The following UBXN2B variants were observed in gnomAD, a reference collection of about 807,000 sequenced individuals.
The protein encoded by UBXN2B is UBX domain-containing protein 2B.
A neutral mutation model predicts 37.5 loss-of-function variants in UBXN2B; 19 were observed. That is an observed-to-expected ratio of 0.51 (90% CI 0.35 to 0.74). The LOEUF (loss-of-function observed/expected upper bound fraction) is 0.74. Ranked by LOEUF, UBXN2B falls within the 30% of genes least tolerant of loss-of-function variation. The pLI is 0.01. For synonymous variants in UBXN2B, 145 were observed against 143.8 expected, an observed-to-expected ratio of 1.01 and a Z score of -0.06; for missense variants, 370 against 393.2, an observed-to-expected ratio of 0.94 and a Z score of 0.50.
At position 58,430,536 on chromosome 8, in the gene UBXN2B, A is replaced by G; in HGVS notation, c.206A>G (p.His69Arg). 3 of 1,585,938 alleles carry G rather than the reference A, an allele frequency of 1.9e-6. No individual in the cohort carries two copies. The highest frequency in any genetic ancestry group is 1.2e-5 in the South Asian group (1 of 85,972). The change falls in exon 3 of 8, where the codon CAT becomes CGT. Residue 69 changes from histidine to arginine, a missense_variant. His to Arg is a conservative substitution (Grantham distance 29). Coordinates refer to ENST00000399598, the MANE Select transcript of UBXN2B (RefSeq NM_001077619.2). ...GTTTAAAGGTTTTACTCAAGTGAAC[A>G]TGAATACAGTGGATTAAATATAGTT... The part of the protein sequence containing the change: ...TPPQRFYSSE[H>R]EYSGLNIVRP...
intron 6 of UBXN2B, 89 bp from the exon 7 acceptor site, chr8:58,445,818 A>G (rs1808652573): frequency 3.4e-6 from 4 of 1,191,578 alleles, no homozygotes; most frequent in Non-Finnish European, 4.5e-6. Context: ...AGGAGACTCA[A>G]ATGAAGCCAT....
intron 2 of UBXN2B, chr8:58,425,984 T>G: frequency 6.9e-7 from 1 of 1,450,888 alleles, no homozygotes; most frequent in Non-Finnish European, 9.7e-7. Flanking sequence ...TTTTCCTTTT[T>G]CAGTTAATAA....
chr8:58,445,781 T>G (rs1379454146), intron 6 of UBXN2B, 126 bp from the exon 7 acceptor site: 13 of 768,912 alleles, frequency 1.7e-5, no homozygotes, highest in Non-Finnish European at 2.0e-5. Context: ...ATAACTTTAA[T>G]ATAATGAAAG....
chr8:58,415,242 T>A (rs1360542199), intron 1 of UBXN2B, among the ~76,000 whole-genome samples: 1 of 152,076 alleles, frequency 6.6e-6, no homozygotes, highest in African/African-American at 2.4e-5. Flanking sequence ...AGAGCTGAAA[T>A]GGGCCTTTGA....
intron 3 of UBXN2B, among the ~76,000 whole-genome samples, chr8:58,432,471 C>T (rs995028193): frequency 1.3e-5 from 2 of 149,962 alleles, no homozygotes; most frequent in Non-Finnish European, 3.0e-5. Context: ...CAAGCTCCGC[C>T]TCCCGGGTTC....
intron 2 of UBXN2B, among the ~76,000 whole-genome samples, chr8:58,429,988 A>G (rs905237528): frequency 3.9e-5 from 6 of 152,238 alleles, no homozygotes; most frequent in Non-Finnish European, 7.3e-5. Flanking sequence ...ATTTACTTTT[A>G]ACAAACGCAG....
intron 1 of UBXN2B, among the ~76,000 whole-genome samples, chr8:58,415,039 G>A (rs771360882): frequency 5.3e-5 from 8 of 151,912 alleles, no homozygotes; most frequent in South Asian, 2.1e-4. Flanking sequence ...ATAATTCAAC[G>A]TCAATTTGTT....
intron 3 of UBXN2B, 143 bp from the exon 4 acceptor site, chr8:58,433,017 A>G: frequency 1.8e-6 from 1 of 568,434 alleles, no homozygotes; most frequent in East Asian, 2.8e-5. Context: ...GTCAAGTCTT[A>G]TGGTAATTTT....
chr8:58,446,878 A>T (rs1261996071), intron 7 of UBXN2B, among the ~76,000 whole-genome samples: 2 of 132,844 alleles, frequency 1.5e-5, no homozygotes, highest in African/African-American at 5.7e-5. Context: ...GCCCACTACA[A>T]ACTCCGCCTT....
intron 2 of UBXN2B, among the ~76,000 whole-genome samples, chr8:58,422,783 C>G (rs369362541): frequency 1.3e-5 from 2 of 152,196 alleles, no homozygotes; most frequent in East Asian, 3.9e-4. Context: ...GTTCCAAAAA[C>G]AGGCTCAGGA....
Position 58,445,959 on chromosome 8 carries a change from T to A in UBXN2B, c.724T>A (p.Ser242Thr), listed in dbSNP as rs566016760. ...TPSSPEEEDK[S>T]ILNAVVLIDD... ...TTCCTCTCCAGAAGAGGAGGATAAA[T>A]CAATACTTAATGCAGTTGTTCTTAT... Residue 242 changes from serine to threonine, a missense_variant, in exon 7 of 8, where the codon TCA becomes ACA. By Grantham distance (58) the Ser-to-Thr change is moderately conservative. Transcript: ENST00000399598. 23 of 1,612,650 alleles carry A rather than the reference T, an allele frequency of 1.4e-5. No individual in the cohort carries two copies. In the South Asian group the frequency reaches 1.4e-4, roughly 10 times the overall value.
chr8:58,411,366 G>A lies in UBXN2B; in HGVS notation c.-20G>A. 4.7e-6 allele frequency: 6 copies of A among 1,269,008 alleles called. No individual in the cohort carries two copies. The highest frequency in any genetic ancestry group is 6.0e-6 in the Non-Finnish European group (6 of 1,004,468). The allele number at this position is 1,269,008 out of a possible 1,614,324, so 78.6% of individuals were successfully genotyped here. On this transcript the variant is annotated 5_prime_UTR_variant, in exon 1 of 8. Transcript: ENST00000399598. ...GTTGCGGCAGGTGCGTCCGCAGCGG[G>A]CGCCGCTAGCCAGCGGAAGATGGCG...
rs780165059 is a variant in UBXN2B at position 58,416,938 on chromosome 8, G to A, written c.173G>A (p.Arg58Gln). 8.7e-6 allele frequency: 14 copies of A among 1,604,008 alleles called. No homozygotes were observed. The highest frequency in any genetic ancestry group is 4.4e-5 in the South Asian group (4 of 89,912). ...RPKATVFKSP[R>Q]TPPQRFYSSE... ...AAAGCCACAGTCTTCAAGAGCCCAC[G>A]GACACCACCTCAACGGTAAGTTTTA... is the stretch of plus-strand genomic sequence containing the variant. Residue 58 changes from arginine (R) to glutamine (Q), a missense_variant, in exon 2 of 8, where the codon CGG (arginine) becomes CAG (glutamine). Around this residue, in one of 3 missense-constraint regions of UBXN2B, gnomAD observed 197 missense variants for 170.2 expected, o/e 1.16. Transcript: ENST00000399598.
intron 3 of UBXN2B, 144 bp downstream of exon 3, chr8:58,430,813 T>A (rs867877101): frequency 5.9e-6 from 4 of 677,946 alleles, no homozygotes; most frequent in Non-Finnish European, 4.2e-6. Context: ...ATAATATTTC[T>A]ATTAATGATT....
At chr8:58,424,697 G>C (rs562665468) in intron 2 of UBXN2B, 39 of 1,324,676 alleles carry the variant, frequency 2.9e-5, no homozygotes, top group East Asian at 1.4e-4. Flanking sequence ...CGGGGGGGGG[G>C]GCTCTGATCT....
At chr8:58,420,949 A>C (rs894112001) in intron 2 of UBXN2B, among the ~76,000 whole-genome samples, 1 of 152,212 alleles carries the variant, frequency 6.6e-6, no homozygotes, top group Non-Finnish European at 1.5e-5. Flanking sequence ...TGCTTGCTAT[A>C]TGTAAAACTT....
chr8:58,440,983 TTC>T (rs1808524940), intron 6 of UBXN2B, among the ~76,000 whole-genome samples: 1 of 151,662 alleles, frequency 6.6e-6, no homozygotes, highest in African/African-American at 2.4e-5. Context: ...CACGTCAGGC[TTC>T]TCTTTCTTTC....
intron 2 of UBXN2B, chr8:58,426,779 CG>C (rs1282711883): frequency 1.6e-6 from 1 of 618,192 alleles, no homozygotes; most frequent in Non-Finnish European, 3.0e-6. Flanking sequence ...GAGGCCCGCT[CG>C]GGACCAGATG....
At chr8:58,425,027 T>C in intron 2 of UBXN2B, 1 of 781,584 alleles carries the variant, frequency 1.3e-6, no homozygotes, top group Non-Finnish European at 2.4e-6. Flanking sequence ...GCATGCATGA[T>C]GCGTTCCTGC....
Sources: gnomAD v4.1 joint callset for allele counts (sites outside exome capture counted in the v4.1 genomes callset) on GRCh38, gnomAD v4.1.1 for gene constraint, gnomAD v4.1.1 regional missense constraint, MANE v1.5 for transcripts, NCBI Gene and HGNC (gene_info 2026-07-23, HGNC 2026-07-21) for gene names.